The following GSAP variants were observed in gnomAD, a reference collection of about 807,000 sequenced individuals.
GSAP encodes gamma-secretase activating protein.
GSAP carries 118 observed loss-of-function variants against 131.7 expected under a neutral mutation model. The observed-to-expected ratio is 0.90, with a 90% CI of 0.77 to 1.04. GSAP has a LOEUF of 1.04. Ranked by LOEUF, GSAP falls within the 50% of genes least tolerant of loss-of-function variation. GSAP has a pLI of 0.00. For synonymous variants in GSAP, 381 were observed against 363.4 expected (o/e 1.05, Z -0.55); for missense variants, 1,019 against 1,013.2 (o/e 1.01, Z -0.08).
chr7:77,314,520 G>T, intron 26 of GSAP, 31 bp from the exon 27 acceptor site: 1 of 1,612,502 alleles, frequency 6.2e-7, no homozygotes, highest in East Asian at 2.2e-5. Context: ...GGTAAACACA[G>T]TCAGCCAACA....
chr7:77,389,891 G>C (rs1305695352), intron 5 of GSAP, among the ~76,000 whole-genome samples: 1 of 152,126 alleles, frequency 6.6e-6, no homozygotes, highest in East Asian at 1.9e-4. Context: ...CTAGTTTACA[G>C]TCCCACCAAC....
At chr7:77,314,564 T>C (rs573731705) in intron 26 of GSAP, 75 bp from the exon 27 acceptor site, 18 of 1,558,648 alleles carry the variant, frequency 1.2e-5, no homozygotes, top group Non-Finnish European at 1.5e-5. Flanking sequence ...GATTAGATCA[T>C]GTTAATAAAG....
Position 77,355,271 on chromosome 7 carries a change from A to G in GSAP, c.1280T>C (p.Met427Thr), listed in dbSNP as rs1584451237. ...GTAGAGCGCGCAGTGCAACGCAGCC[A>G]TCTTCTCACAGTCTAAGCAAGTGTT... ...LQNTCLDCEK[M>T]AALHCALYCG... Residue 427 changes from methionine to threonine, a missense_variant, in exon 16 of 31, where the codon ATG becomes ACG. Transcript: ENST00000257626. 1 of 1,614,132 alleles carries G rather than the reference A, an allele frequency of 6.2e-7. No homozygotes were observed. The highest frequency in any genetic ancestry group is 8.5e-7 in the Non-Finnish European group (1 of 1,179,980).
intron 24 of GSAP, among the ~76,000 whole-genome samples, chr7:77,322,914 TG>T (rs1319517624): frequency 2.6e-5 from 4 of 152,198 alleles, no homozygotes; most frequent in Non-Finnish European, 5.9e-5. Context: ...CAGAGTTCAA[TG>T]GAAAAATATA....
intron 1 of GSAP, among the ~76,000 whole-genome samples, chr7:77,413,671 A>G (rs538042788): frequency 1.3e-5 from 2 of 152,352 alleles, no homozygotes; most frequent in South Asian, 2.1e-4. Flanking sequence ...TTGCCCATAC[A>G]TATAGGCTAA....
In GSAP at chr7:77,311,347, C is replaced by T. The variant is rs1376989237; in HGVS notation, c.*11G>A. The T allele has an allele frequency of 7.9e-6, 12 of 1,525,688 alleles. No homozygotes were observed. The highest frequency in any genetic ancestry group is 5.5e-5 in the African/African-American group (4 of 73,212). The allele number at this position is 1,525,688 out of a possible 1,614,324, so 94.5% of individuals were successfully genotyped here. A position where few individuals can be genotyped will look rare whatever the true frequency, so the allele number is the denominator to read the frequency against. ...AAAATGGCAGCAGCAGATCCAATTG[C>T]GTTTTCTTTTTCATAAGCCTAAAAG... is the stretch of plus-strand genomic sequence containing the variant. On this transcript the variant is annotated 3_prime_UTR_variant, in exon 31 of 31. Transcript: ENST00000257626.
intron 8 of GSAP, among the ~76,000 whole-genome samples, chr7:77,379,632 T>TG (rs1037839006): frequency 3.2e-4 from 48 of 152,292 alleles, no homozygotes; most frequent in African/African-American, 1.0e-3. Context: ...CCCCTGTCTA[T>TG]GCTCACTCTC....
At chr7:77,330,161 C>G (rs1788886994) in intron 20 of GSAP, 78 bp downstream of exon 20, 5 of 1,488,260 alleles carry the variant, frequency 3.4e-6, no homozygotes, top group Non-Finnish European at 4.5e-6. Context: ...GGAAGCCAGC[C>G]TTATGATTTA....
At chr7:77,388,258 A>T (rs534075261) in intron 5 of GSAP, among the ~76,000 whole-genome samples, 1 of 152,356 alleles carries the variant, frequency 6.6e-6, no homozygotes, top group South Asian at 2.1e-4. Flanking sequence ...TTTTAAGTCT[A>T]AACAAACACA....
At chr7:77,353,672 A>G in intron 16 of GSAP, 31 bp from the exon 17 acceptor site, 1 of 1,381,510 alleles carries the variant, frequency 7.2e-7, no homozygotes, top group Non-Finnish European at 1.0e-6. Flanking sequence ...CTCTGTTGGT[A>G]TTTAAATCTG....
chr7:77,352,440 G>C (rs1446336023), intron 18 of GSAP, among the ~76,000 whole-genome samples: 2 of 152,174 alleles, frequency 1.3e-5, no homozygotes, highest in East Asian at 3.9e-4. Flanking sequence ...TTAAAAGGAG[G>C]GAGTCAGAAC....
intron 5 of GSAP, among the ~76,000 whole-genome samples, chr7:77,393,338 G>C (rs917890696): frequency 1.3e-5 from 2 of 152,096 alleles, no homozygotes; most frequent in Admixed American, 6.6e-5. Flanking sequence ...AATCTTTACT[G>C]AACAAAATGA....
At position 77,310,896 on chromosome 7, in the gene GSAP, C is replaced by A. The variant is rs1794283344; in HGVS notation, c.*462G>T. 1 of 154,296 alleles carries A rather than the reference C, an allele frequency of 6.5e-6. No individual in the cohort carries two copies. Among genetic ancestry groups the A allele is most frequent in the African/African-American group, 2.4e-5 (1 of 41,472 alleles). 9.6% of individuals were successfully genotyped at this position (154,296 alleles called of 1,614,324 possible). A position where few individuals can be genotyped will look rare whatever the true frequency, so the allele number is the denominator to read the frequency against. On this transcript the variant is annotated 3_prime_UTR_variant, in exon 31 of 31. Coordinates refer to ENST00000257626, the MANE Select transcript of GSAP (RefSeq NM_017439.4). Reference sequence around the variant, plus strand: ...ACAAATTATTCTGTACTGGACATGGCAAATCTGATTTAGTACAAATTCAGT... The same window carrying A: ...ACAAATTATTCTGTACTGGACATGGAAAATCTGATTTAGTACAAATTCAGT...
At chr7:77,321,021 T>C (rs1175068373) in intron 25 of GSAP, among the ~76,000 whole-genome samples, 1 of 152,176 alleles carries the variant, frequency 6.6e-6, no homozygotes, top group African/African-American at 2.4e-5. Context: ...ATGTTACACA[T>C]TGTATTAAGT....
At chr7:77,334,211 G>C (rs1157444124) in intron 19 of GSAP, among the ~76,000 whole-genome samples, 6 of 151,974 alleles carry the variant, frequency 3.9e-5, no homozygotes, top group Non-Finnish European at 7.4e-5. Flanking sequence ...AAGAAAATGT[G>C]GTACATATAC....
intron 19 of GSAP, among the ~76,000 whole-genome samples, chr7:77,336,548 C>T (rs547499568): frequency 6.6e-6 from 1 of 152,192 alleles, no homozygotes; most frequent in South Asian, 2.1e-4. Context: ...TGCAATGGCG[C>T]AATCTTGGCT....
intron 17 of GSAP, among the ~76,000 whole-genome samples, 153 bp from the exon 18 acceptor site, chr7:77,353,179 G>A (rs1019412884): frequency 6.6e-6 from 1 of 152,084 alleles, no homozygotes; most frequent in African/African-American, 2.4e-5. Context: ...TTTATCTACT[G>A]ACTAAAATGT....
At chr7:77,377,465 T>C in intron 8 of GSAP, 75 bp from the exon 9 acceptor site, 1 of 1,420,090 alleles carries the variant, frequency 7.0e-7, no homozygotes, top group Admixed American at 2.2e-5. Context: ...GAATTCATAA[T>C]TATTTTCCAT....
chr7:77,360,530 TAACA>T (rs1296200133), intron 14 of GSAP, among the ~76,000 whole-genome samples: 1 of 152,188 alleles, frequency 6.6e-6, no homozygotes, highest in African/African-American at 2.4e-5. Flanking sequence ...ATTTTTATGT[TAACA>T]AATAGCTTTT....
Sources: allele counts gnomAD v4.1 joint callset (sites outside exome capture counted in the v4.1 genomes callset), GRCh38; gene constraint gnomAD v4.1.1; transcripts MANE v1.5; gene names NCBI Gene and HGNC (gene_info 2026-07-23, HGNC 2026-07-21).